Variants in MAGEA11 observed in about 807,000 individuals in gnomAD.
The protein encoded by MAGEA11 is MAGE family member A11.
In MAGEA11, 1 loss-of-function variant was observed where a neutral mutation model predicts 8.4. The ratio of observed to expected loss-of-function variants is 0.12; its 90% CI spans 0.04 to 0.57. The LOEUF (loss-of-function observed/expected upper bound fraction) is 0.57, where lower values mean the gene tolerates loss of function less well. Ranked by LOEUF, MAGEA11 falls within the 20% of genes least tolerant of loss-of-function variation. The probability of loss-of-function intolerance (pLI) is 0.91; values close to 1 mark genes in which losing one functional copy is unlikely to be tolerated. For synonymous variants in MAGEA11, 127 were observed against 119.3 expected, an observed-to-expected ratio of 1.06 and a Z score of -0.42; for missense variants, 209 against 317.3, an observed-to-expected ratio of 0.66 and a Z score of 2.59.
chrX:149,710,403 C>T (rs142538380), upstream of MAGEA11, among the ~76,000 whole-genome samples: 514 of 111,919 alleles, frequency 4.6e-3, 6 homozygotes, highest in African/African-American at 0.016. Context: ...CTTAACCAGC[C>T]AAGATGACTG....
chrX:149,716,106 C>T lies in MAGEA11; in HGVS notation c.620C>T (p.Thr207Ile). The T allele has an allele frequency of 8.3e-7, 1 of 1,211,765 alleles. No individual in the cohort carries two copies. The highest frequency in any genetic ancestry group is 1.1e-6 in the Non-Finnish European group (1 of 895,427). ...SGSQEKEGPS[T>I]SPDLIDPESF... ...AGCCAAGAAAAGGAGGGGCCAAGTA[C>T]CTCGCCTGACCTGATAGACCCTGAG... The change falls in exon 5 of 5, where the codon ACC becomes ATC. Residue 207 changes from threonine to isoleucine, a missense_variant. Thr to Ile is a moderately conservative substitution (Grantham distance 89). This residue lies in a region of MAGEA11 where 78 missense variants were observed against 178.8 expected (regional missense o/e 0.44). Coordinates refer to ENST00000355220, the MANE Select transcript of MAGEA11 (RefSeq NM_005366.5).
At chrX:149,694,355 G>A (rs2090321942) in intron 1 of MAGEA11, among the ~76,000 whole-genome samples, 1 of 112,315 alleles carries the variant, frequency 8.9e-6, no homozygotes, top group African/African-American at 3.2e-5. Flanking sequence ...GGGCATTTAT[G>A]TATCTTCTTT....
chrX:149,712,735 C>T (rs1336192479), intron 1 of MAGEA11, among the ~76,000 whole-genome samples: 3 of 112,210 alleles, frequency 2.7e-5, no homozygotes, highest in Non-Finnish European at 3.8e-5. Flanking sequence ...TCTGACACCC[C>T]CCTCGGCTTC....
intron 1 of MAGEA11, among the ~76,000 whole-genome samples, chrX:149,702,039 A>C (rs1265847294): frequency 8.9e-6 from 1 of 112,001 alleles, no homozygotes; most frequent in Non-Finnish European, 1.9e-5. Context: ...CAGACAGATA[A>C]AGTACTTTGT....
chrX:149,688,721 C>T (rs987660367), upstream of MAGEA11: 7 of 241,827 alleles, frequency 2.9e-5, no homozygotes, highest in African/African-American at 1.8e-4. Context: ...CATACACATA[C>T]ATATACATAT....
chrX:149,699,657 G>A (rs1557360835), intron 1 of MAGEA11, among the ~76,000 whole-genome samples: 1 of 111,534 alleles, frequency 9.0e-6, no homozygotes, highest in Admixed American at 9.5e-5. Context: ...AACTTGAGAA[G>A]GCAGCCCATC....
rs1413854892 is a variant in MAGEA11 at position 149,716,955 on chromosome X, T to C, written c.*179T>C. ...AGTGAATGGAAGGGAACACATTGTA[T>C]ACTGCCTTTAGGTTTCTCTTCCATC... On this transcript the variant is annotated 3_prime_UTR_variant, in exon 5 of 5. Coordinates refer to ENST00000355220, the MANE Select transcript of MAGEA11 (RefSeq NM_005366.5). The C allele has an allele frequency of 1.5e-5, 6 of 402,412 alleles. No homozygotes were observed. Among genetic ancestry groups the C allele is most frequent in the African/African-American group, 5.0e-5 (2 of 39,894 alleles). The allele number at this position is 402,412 out of a possible 1,213,427, so 33.2% of individuals were successfully genotyped here.
chrX:149,700,610 A>G (rs2090348325), intron 1 of MAGEA11, among the ~76,000 whole-genome samples: 1 of 107,973 alleles, frequency 9.3e-6, no homozygotes, highest in Non-Finnish European at 1.9e-5. Context: ...ACATGTGCAC[A>G]TTGTGCAGGT....
At chrX:149,690,152 C>T (rs1230871149) in intron 1 of MAGEA11, among the ~76,000 whole-genome samples, 2 of 112,594 alleles carry the variant, frequency 1.8e-5, no homozygotes, top group East Asian at 5.6e-4. Context: ...GCATGCTCAA[C>T]AAGAGCAAGG....
chrX:149,703,614 G>A (rs2090363247), intron 1 of MAGEA11, among the ~76,000 whole-genome samples: 1 of 112,339 alleles, frequency 8.9e-6, no homozygotes, highest in East Asian at 2.8e-4. Flanking sequence ...ATTGCCCCAA[G>A]CAGGACTAGA....
At chrX:149,707,674 A>G (rs185754081), upstream of MAGEA11, among the ~76,000 whole-genome samples, 405 of 112,214 alleles carry the variant, frequency 3.6e-3, 1 homozygote, top group Non-Finnish European at 6.0e-3. Flanking sequence ...AAAAACGACA[A>G]CTGCCATATA....
chrX:149,711,958 CCGCCCCGCCTCGCCT>C, upstream of MAGEA11: 1 of 559,337 alleles, frequency 1.8e-6, no homozygotes, highest in Non-Finnish European at 2.2e-6. Flanking sequence ...TCGCCTCGCC[CCGCCCCGCCTCGCCT>C]CGCCCCGCCC....
chrX:149,692,776 G>A (rs1216929921), intron 1 of MAGEA11, among the ~76,000 whole-genome samples: 11 of 111,787 alleles, frequency 9.8e-5, no homozygotes, highest in East Asian at 8.4e-4. Flanking sequence ...GGAGGGACCC[G>A]GTGGGAGGTA....
upstream of MAGEA11, chrX:149,688,691 CATAT>C (rs2090297604): frequency 8.0e-5 from 16 of 200,455 alleles, no homozygotes; most frequent in African/African-American, 2.4e-4. Flanking sequence ...TATACATATA[CATAT>C]ACATATACAT....
At chrX:149,699,171 C>T (rs1280187060) in intron 1 of MAGEA11, among the ~76,000 whole-genome samples, 1 of 111,935 alleles carries the variant, frequency 8.9e-6, no homozygotes, top group East Asian at 2.8e-4. Context: ...TACTTAATCA[C>T]AATCTACCTT....
chrX:149,701,785 G>A (rs2090354900), intron 1 of MAGEA11, among the ~76,000 whole-genome samples: 1 of 111,187 alleles, frequency 9.0e-6, no homozygotes, highest in African/African-American at 3.3e-5. Flanking sequence ...TTCTACATAT[G>A]GCTAGCCAGT....
Position 149,716,873 on chromosome X carries a change from C to A in MAGEA11, c.*97C>A. On this transcript the variant is annotated 3_prime_UTR_variant, in exon 5 of 5. Transcript: ENST00000355220. ...TTCCCTGTCCTGTGTGAAATCAGGC[C>A]CATTCTTCCCTCTGTGTTTGATGAG... 1 of 832,401 alleles carries A rather than the reference C, an allele frequency of 1.2e-6. No homozygotes were observed. The highest frequency in any genetic ancestry group is 1.7e-6 in the Non-Finnish European group (1 of 586,457). 68.6% of individuals were successfully genotyped at this position (832,401 alleles called of 1,213,427 possible).
intron 3 of MAGEA11, 33 bp from the exon 4 acceptor site, chrX:149,715,571 C>T: frequency 1.9e-6 from 2 of 1,059,130 alleles, no homozygotes; most frequent in Non-Finnish European, 2.6e-6. Flanking sequence ...TGTCCAGCTG[C>T]ATCTTGAGCA....
upstream of MAGEA11, among the ~76,000 whole-genome samples, chrX:149,709,411 G>A (rs2090390482): frequency 1.8e-5 from 2 of 111,891 alleles, no homozygotes; most frequent in African/African-American, 6.5e-5. Context: ...AAGTTTCAGA[G>A]GCCAGTTTTA....
Sources: allele counts gnomAD v4.1 joint callset (sites outside exome capture counted in the v4.1 genomes callset), GRCh38; gene constraint gnomAD v4.1.1; regional missense constraint gnomAD v4.1.1; transcripts MANE v1.5; gene names NCBI Gene and HGNC (gene_info 2026-07-23, HGNC 2026-07-21).